PRELID2: variants seen among roughly 807,000 people sequenced by gnomAD.
PRELID2 encodes the protein PRELI domain containing 2.
A neutral mutation model predicts 28.4 loss-of-function variants in PRELID2; 25 were observed. The ratio of observed to expected loss-of-function variants is 0.88; its 90% confidence interval spans 0.64 to 1.23. The LOEUF (loss-of-function observed/expected upper bound fraction) is 1.23, where lower values mean the gene tolerates loss of function less well. Ranked by LOEUF, PRELID2 falls within the 50% of genes most tolerant of loss-of-function variation. PRELID2 has a pLI of 0.00. For missense variants in PRELID2, 201 were observed against 214.4 expected (o/e 0.94, Z 0.39); for synonymous variants, 76 against 71.6 (o/e 1.06, Z -0.31).
chr5:145,580,067 T>C (rs1753094547), intron 1 of PRELID2, among the ~76,000 whole-genome samples: 1 of 152,078 alleles, frequency 6.6e-6, no homozygotes, highest in Non-Finnish European at 1.5e-5. Flanking sequence ...ATTCCAGAAA[T>C]ATTTTATGTT....
chr5:145,342,522 C>T, the PRELID2 span, among the ~76,000 whole-genome samples: 3 of 151,934 alleles, frequency 2.0e-5, no homozygotes, highest in Admixed American at 6.6e-5. Context: ...TTAAATTATC[C>T]ACTGAATATA....
chr5:145,753,665 A>T (rs1362390604), downstream of PRELID2, among the ~76,000 whole-genome samples: 2 of 152,304 alleles, frequency 1.3e-5, no homozygotes, highest in African/African-American at 4.8e-5. Context: ...CTTGGGAGCT[A>T]CATGCAACCC....
intron 1 of PRELID2, among the ~76,000 whole-genome samples, chr5:145,493,272 G>A: frequency 6.6e-6 from 1 of 152,080 alleles, no homozygotes; most frequent in East Asian, 1.9e-4. Flanking sequence ...CGCTGCCTAT[G>A]TCCAGATGAT....
At chr5:145,346,071 T>C in the PRELID2 span, among the ~76,000 whole-genome samples, 10 of 152,252 alleles carry the variant, frequency 6.6e-5, no homozygotes, top group East Asian at 1.5e-3. Flanking sequence ...CACTCTAGTC[T>C]CTTTTCTGCT....
intron 1 of PRELID2, among the ~76,000 whole-genome samples, chr5:145,556,690 C>G (rs142863600): frequency 6.6e-6 from 1 of 152,272 alleles, no homozygotes; most frequent in African/African-American, 2.4e-5. Context: ...TCAAAAGAGC[C>G]GACAAGGCCC....
At chr5:145,822,405 T>A (rs1188045211) in intron 2 of PRELID2, among the ~76,000 whole-genome samples, 4 of 152,240 alleles carry the variant, frequency 2.6e-5, no homozygotes, top group Non-Finnish European at 5.9e-5. Flanking sequence ...AACTCTGCTG[T>A]TGTAGTGAGG....
the PRELID2 span, among the ~76,000 whole-genome samples, chr5:145,261,515 T>C: frequency 6.6e-6 from 1 of 152,138 alleles, no homozygotes; most frequent in South Asian, 2.1e-4. Context: ...CTCTCTGCAG[T>C]CACATCACAA....
In PRELID2 at chr5:145,565,770, C is replaced by T. The variant is rs181058258; in HGVS notation, n.71-92455G>A. On this transcript the variant is annotated intron_variant and non_coding_transcript_variant, in intron 1 of 2. Transcript: ENST00000510259. ...CTCATTCACACACTTCCTTTGCAGG[C>T]TCCTCATGGTGGCGAGATGGACAGC... Among the ~76,000 whole-genome samples, 6 of 152,338 alleles carry T rather than the reference C, an allele frequency of 3.9e-5. No homozygotes were observed. In the South Asian group the frequency reaches 6.2e-4, roughly 16 times the overall value.
At chr5:145,320,366 C>A in the PRELID2 span, among the ~76,000 whole-genome samples, 4 of 150,824 alleles carry the variant, frequency 2.7e-5, no homozygotes, top group East Asian at 7.9e-4. Flanking sequence ...CGCCTCACCG[C>A]TTCACGCCAT....
At chr5:145,579,327 G>C (rs1009571698) in intron 1 of PRELID2, among the ~76,000 whole-genome samples, 1 of 152,118 alleles carries the variant, frequency 6.6e-6, no homozygotes. Context: ...GATGGGGAGA[G>C]TTTGCTGTTA....
intron 1 of PRELID2, among the ~76,000 whole-genome samples, chr5:145,625,791 T>G (rs1753837338): frequency 6.6e-6 from 1 of 152,170 alleles, no homozygotes; most frequent in Non-Finnish European, 1.5e-5. Flanking sequence ...TAAAACCATA[T>G]GTGGATTACA....
chr5:145,659,030 C>A (rs1234927488), intron 1 of PRELID2, among the ~76,000 whole-genome samples: 1 of 152,132 alleles, frequency 6.6e-6, no homozygotes, highest in Admixed American at 6.6e-5. Context: ...GTTCAGCACA[C>A]TGGGAAAATG....
the PRELID2 span, among the ~76,000 whole-genome samples, chr5:145,319,635 C>G: frequency 5.7e-3 from 872 of 151,926 alleles, 11 homozygotes; most frequent in African/African-American, 0.02. Context: ...CGTGCCACTG[C>G]ACTCTAGAAC....
chr5:145,401,865 T>C, the PRELID2 span, among the ~76,000 whole-genome samples: 1 of 152,152 alleles, frequency 6.6e-6, no homozygotes, highest in South Asian at 2.1e-4. Context: ...AGGAGGAAAC[T>C]GAAGCTCTTT....
In PRELID2 at chr5:145,475,539, C is replaced by A. The variant is rs537877666; in HGVS notation, n.71-2224G>T. On this transcript the variant is annotated intron_variant and non_coding_transcript_variant, in intron 1 of 2. Coordinates refer to the PRELID2 transcript ENST00000510259. ...TTCTTACTACATGAATGCATTGTAC[C>A]AACCATTTTTGCAAGGAAATACAAA... Among the ~76,000 whole-genome samples the A allele has an allele frequency of 1.1e-4, 16 of 152,226 alleles. 1 individual carries two copies. In the South Asian group the frequency reaches 2.3e-3, roughly 22 times the overall value.
intron 1 of PRELID2, among the ~76,000 whole-genome samples, chr5:145,584,257 C>A (rs762376972): frequency 9.2e-5 from 14 of 152,060 alleles, no homozygotes; most frequent in South Asian, 4.2e-4. Flanking sequence ...TGAAGCTGGA[C>A]CCCTTTCTTA....
intron 1 of PRELID2, among the ~76,000 whole-genome samples, chr5:145,525,781 T>A (rs1752601191): frequency 6.6e-6 from 1 of 152,210 alleles, no homozygotes; most frequent in South Asian, 2.1e-4. Context: ...AATAACCATT[T>A]ATACTGGGGT....
the PRELID2 span, among the ~76,000 whole-genome samples, chr5:145,374,694 T>A: frequency 6.6e-6 from 1 of 152,120 alleles, no homozygotes; most frequent in Non-Finnish European, 1.5e-5. Flanking sequence ...CATTCTTTTT[T>A]CTCTAATCTT....
the PRELID2 span, among the ~76,000 whole-genome samples, chr5:145,345,900 G>T: frequency 4.0e-5 from 6 of 151,784 alleles, no homozygotes; most frequent in Non-Finnish European, 7.4e-5. Context: ...AATACACTGT[G>T]GGGGGAGGCA....
Sources: allele counts gnomAD v4.1 joint callset (sites outside exome capture counted in the v4.1 genomes callset), GRCh38; gene constraint gnomAD v4.1.1; transcripts MANE v1.5; gene names NCBI Gene and HGNC (gene_info 2026-07-23, HGNC 2026-07-21).